Variants in IQCM observed in about 807,000 individuals in gnomAD.
IQCM encodes the protein IQ motif containing M, also known as IQ domain-containing protein M.
In IQCM, 45 loss-of-function variants were observed where a neutral mutation model predicts 57.6. That is an observed-to-expected ratio of 0.78 (90% CI 0.62 to 1.00). The LOEUF (loss-of-function observed/expected upper bound fraction) is 1.00. IQCM is among the 50% of genes least tolerant of loss of function. The pLI is 0.00. For missense variants in IQCM, 468 were observed against 511.6 expected (o/e 0.91, Z 0.82); for synonymous variants, 148 against 158.9 (o/e 0.93, Z 0.51).
chr4:149,388,500 A>G (rs558142632), intron 13 of IQCM, among the ~76,000 whole-genome samples: 1 of 144,012 alleles, frequency 6.9e-6, no homozygotes, highest in Non-Finnish European at 1.5e-5. Flanking sequence ...ATGTCCAAAT[A>G]TATATATATT....
intron 8 of IQCM, among the ~76,000 whole-genome samples, chr4:149,614,489 C>T (rs1755601861): frequency 6.6e-6 from 1 of 152,132 alleles, no homozygotes; most frequent in Non-Finnish European, 1.5e-5. Context: ...TGTCTTTCCA[C>T]CTTGGACAAC....
At chr4:149,529,914 C>T (rs750333528) in intron 12 of IQCM, among the ~76,000 whole-genome samples, 4 of 152,164 alleles carry the variant, frequency 2.6e-5, no homozygotes, top group Non-Finnish European at 4.4e-5. Context: ...CTTCAAGATA[C>T]TCTATGACCT....
chr4:149,782,630 G>A (rs1279336898), intron 2 of IQCM, among the ~76,000 whole-genome samples: 2 of 150,342 alleles, frequency 1.3e-5, no homozygotes, highest in African/African-American at 4.9e-5. Flanking sequence ...GGGGGTGGGT[G>A]TGGGGGGAAA....
chr4:149,524,199 C>A (rs1487679494), intron 12 of IQCM, among the ~76,000 whole-genome samples: 1 of 152,102 alleles, frequency 6.6e-6, no homozygotes, highest in East Asian at 1.9e-4. Context: ...AAGAAGTTGA[C>A]AAATTATTCT....
chr4:149,698,426 CA>C (rs1763503946), intron 5 of IQCM, among the ~76,000 whole-genome samples: 2 of 152,038 alleles, frequency 1.3e-5, no homozygotes, highest in African/African-American at 4.8e-5. Context: ...GAATGAAACT[CA>C]GCCAAGAACT....
At chr4:149,479,939 G>C (rs550529223) in intron 12 of IQCM, among the ~76,000 whole-genome samples, 4 of 152,144 alleles carry the variant, frequency 2.6e-5, no homozygotes, top group Admixed American at 6.5e-5. Flanking sequence ...CAGGAAACAA[G>C]ATAATACCCA....
In IQCM at chr4:149,621,179, G is replaced by C. The variant is rs555996759; in HGVS notation, c.631C>G (p.Arg211Gly). 1.6e-6 allele frequency: 2 copies of C among 1,231,810 alleles called. No individual in the cohort carries two copies. The highest frequency in any genetic ancestry group is 1.0e-6 in the Non-Finnish European group (1 of 987,700). 76.3% of individuals were successfully genotyped at this position (1,231,810 alleles called of 1,614,324 possible). Reference sequence around the variant, plus strand: ...GATGATTGAGAGAAACTAACTCGACGGGAGTCACAAGCCAAACGGAAAGAC... The same window carrying C: ...GATGATTGAGAGAAACTAACTCGACCGGAGTCACAAGCCAAACGGAAAGAC... ...TRSFRLACDSRRVSFSQSSSI... is the reference protein window; with the variant it reads ...TRSFRLACDSGRVSFSQSSSI... Residue 211 changes from arginine (R) to glycine (G), a missense_variant, in exon 8 of 14, where the codon CGT becomes GGT. Physicochemically the swap from Arg to Gly is moderately radical, Grantham distance 125. Coordinates refer to ENST00000636793, the MANE Select transcript of IQCM (RefSeq NM_001363507.2).
chr4:149,479,342 G>A (rs1278274951), intron 12 of IQCM, among the ~76,000 whole-genome samples: 3 of 152,174 alleles, frequency 2.0e-5, no homozygotes, highest in Admixed American at 6.6e-5. Flanking sequence ...TCTGCCACAT[G>A]GCCAAAGTTA....
In IQCM at chr4:149,733,696, T is replaced by C. The variant is rs190139250; in HGVS notation, c.121-188A>G. On this transcript the variant is annotated intron_variant, in intron 4 of 13. Transcript: ENST00000636793. Reference sequence around the variant, plus strand: ...AATGACAGTAACCAGCTAAATCAGATGTTATTCTATGTCACTCTCTAAAAG... The same window carrying C: ...AATGACAGTAACCAGCTAAATCAGACGTTATTCTATGTCACTCTCTAAAAG... Among the ~76,000 whole-genome samples the C allele has an allele frequency of 4.3e-3, 657 of 152,214 alleles. 1 individual carries two copies. Among genetic ancestry groups the C allele is most frequent in the Non-Finnish European group, 6.8e-3 (462 of 68,004 alleles).
At chr4:149,592,932 C>T (rs1241359944) in intron 8 of IQCM, among the ~76,000 whole-genome samples, 2 of 152,084 alleles carry the variant, frequency 1.3e-5, no homozygotes, top group African/African-American at 2.4e-5. Flanking sequence ...ATTGTCTTGG[C>T]TATGTGGGCT....
At chr4:149,587,626 T>C (rs1445487576) in intron 9 of IQCM, among the ~76,000 whole-genome samples, 1 of 151,784 alleles carries the variant, frequency 6.6e-6, no homozygotes, top group Non-Finnish European at 1.5e-5. Flanking sequence ...GGCATTGTCA[T>C]TTACTGTCAT....
At chr4:149,629,676 G>A (rs1375461495) in intron 7 of IQCM, among the ~76,000 whole-genome samples, 1 of 151,636 alleles carries the variant, frequency 6.6e-6, no homozygotes, top group Non-Finnish European at 1.5e-5. Flanking sequence ...ATAACTAATG[G>A]CAATTTTAGA....
chr4:149,498,307 G>T (rs1742880146), intron 12 of IQCM, among the ~76,000 whole-genome samples: 1 of 152,162 alleles, frequency 6.6e-6, no homozygotes, highest in South Asian at 2.1e-4. Flanking sequence ...GAGCAGAACA[G>T]CTCTGTGACT....
chr4:149,435,192 T>C (rs1735236902), intron 12 of IQCM, among the ~76,000 whole-genome samples: 1 of 152,184 alleles, frequency 6.6e-6, no homozygotes, highest in South Asian at 2.1e-4. Context: ...ATTAGACTTT[T>C]CCTGCTTAAA....
rs542884710 is a variant in IQCM at position 149,419,780 on chromosome 4, T to A, written c.1390+13616A>T. On this transcript the variant is annotated intron_variant, in intron 13 of 13. Transcript: ENST00000636793. ...TAATATCCAGAATCTACAAGAAACT[T>A]AAACAAATTTACAAGGAAAAAACAA... Among the ~76,000 whole-genome samples, 5 of 151,940 alleles carry A rather than the reference T, an allele frequency of 3.3e-5. No individual in the cohort carries two copies. In the South Asian group the frequency reaches 1.0e-3, roughly 32 times the overall value.
At chr4:149,770,136 G>A (rs749738892) in intron 2 of IQCM, among the ~76,000 whole-genome samples, 2 of 151,982 alleles carry the variant, frequency 1.3e-5, no homozygotes, top group Non-Finnish European at 2.9e-5. Flanking sequence ...TAAAAAAAGG[G>A]GGCATTGCTA....
chr4:149,507,593 A>C (rs939089045), intron 12 of IQCM, among the ~76,000 whole-genome samples: 1 of 152,182 alleles, frequency 6.6e-6, no homozygotes, highest in Non-Finnish European at 1.5e-5. Flanking sequence ...GATTTAGGAT[A>C]TCTGGCAGCA....
intron 12 of IQCM, among the ~76,000 whole-genome samples, chr4:149,488,267 G>A (rs1214704278): frequency 6.6e-6 from 1 of 151,976 alleles, no homozygotes; most frequent in Admixed American, 6.6e-5. Context: ...ATATTAATTT[G>A]CCTTACACAT....
At chr4:149,672,409 A>T (rs1173499312) in intron 7 of IQCM, among the ~76,000 whole-genome samples, 2 of 152,202 alleles carry the variant, frequency 1.3e-5, no homozygotes, top group Non-Finnish European at 2.9e-5. Flanking sequence ...TAACTAGAAG[A>T]AACAGAGTAG....
Sources: gnomAD v4.1 joint callset for allele counts (sites outside exome capture counted in the v4.1 genomes callset) on GRCh38, gnomAD v4.1.1 for gene constraint, MANE v1.5 for transcripts, NCBI Gene and HGNC (gene_info 2026-07-23, HGNC 2026-07-21) for gene names.